TMEM165: variants seen among roughly 807,000 people sequenced by gnomAD.
The protein encoded by TMEM165 is putative divalent cation/proton antiporter TMEM165.
Under a neutral mutation model 30.0 loss-of-function variants are expected in TMEM165, and 19 were observed. The ratio of observed to expected loss-of-function variants is 0.63; its 90% CI spans 0.44 to 0.93. The LOEUF is 0.93. Among genes scored for constraint, TMEM165 ranks in the 40% least tolerant of loss-of-function variants. TMEM165 has a pLI of 0.00. For missense variants in TMEM165, 340 were observed against 417.0 expected, an observed-to-expected ratio of 0.82 and a Z score of 1.61; for synonymous variants, 168 against 162.9, an observed-to-expected ratio of 1.03 and a Z score of -0.24.
intron 1 of TMEM165, among the ~76,000 whole-genome samples, chr4:55,402,128 A>AAAAAAAAG (rs1019968951): frequency 2.0e-5 from 3 of 147,892 alleles, no homozygotes; most frequent in African/African-American, 7.8e-5. Flanking sequence ...CCAAAAAAAA[A>AAAAAAAAG]AAAGAAACTA....
In TMEM165 at chr4:55,448,623, T is replaced by C. The variant is rs1288552963; in HGVS notation, c.409-3616T>C. On this transcript the variant is annotated intron_variant, in intron 3 of 3. Transcript: ENST00000608091. ...GCGCGTGTGTGTGTGTGTGTGTGTG[T>C]GTGTGTGTGTGTGTGTGTGTGCTCC... Among the ~76,000 whole-genome samples the C allele has an allele frequency of 5.9e-5, 9 of 151,658 alleles. 1 individual carries two copies. Among genetic ancestry groups the C allele is most frequent in the African/African-American group, 1.2e-4 (5 of 41,282 alleles).
Position 55,449,294 on chromosome 4 carries a change from T to G in TMEM165, c.409-2945T>G. 2.8e-6 allele frequency: 3 copies of G among 1,088,988 alleles called. No homozygotes were observed. In the South Asian group the frequency reaches 3.8e-5, roughly 14 times the overall value. The allele number at this position is 1,088,988 out of a possible 1,614,324, so 67.5% of individuals were successfully genotyped here. ...TCACATATCAGTAACTATTTTGATC[T>G]TTACAAAGAGGGGTGACAAATAGAT... On this transcript the variant is annotated intron_variant, in intron 3 of 3. Transcript: ENST00000608091.
intron 2 of TMEM165, chr4:55,412,059 T>C: frequency 1.7e-6 from 1 of 598,622 alleles, no homozygotes; most frequent in South Asian, 2.0e-5. Context: ...ATCTTCAATT[T>C]AAGGAATTGC....
exon 4 of TMEM165, chr4:55,453,173 G>A (rs199827140): frequency 5.7e-4 from 827 of 1,453,624 alleles, no homozygotes; most frequent in Non-Finnish European, 7.0e-4. Context: ...CTGGTCATTC[G>A]TTTAAAATAC....
chr4:55,446,169 T>C (rs537412770), intron 3 of TMEM165, among the ~76,000 whole-genome samples: 117 of 150,408 alleles, frequency 7.8e-4, no homozygotes, highest in African/African-American at 2.8e-3. Context: ...TCACAGCTTA[T>C]TGCAGCCTCA....
At chr4:55,435,927 G>A (rs1424372857) in intron 3 of TMEM165, among the ~76,000 whole-genome samples, 1 of 152,166 alleles carries the variant, frequency 6.6e-6, no homozygotes, top group Non-Finnish European at 1.5e-5. Context: ...TTTGAGCATA[G>A]TTATGACTAT....
chr4:55,419,495 A>G (rs950446117), intron 4 of TMEM165, among the ~76,000 whole-genome samples: 4 of 152,284 alleles, frequency 2.6e-5, no homozygotes, highest in South Asian at 4.1e-4. Context: ...CAGTTGTTCA[A>G]TGCCACTTAT....
At chr4:55,439,629 C>T (rs545899383) in intron 3 of TMEM165, among the ~76,000 whole-genome samples, 31 of 152,168 alleles carry the variant, frequency 2.0e-4, no homozygotes, top group South Asian at 8.3e-4. Flanking sequence ...CATTGACAGA[C>T]GGAATGAATA....
intron 1 of TMEM165, among the ~76,000 whole-genome samples, chr4:55,410,003 A>G (rs1319089922): frequency 6.6e-6 from 1 of 152,170 alleles, no homozygotes; most frequent in South Asian, 2.1e-4. Context: ...CAAGTCAGCA[A>G]ACTTCTTGTA....
At chr4:55,400,504 C>A (rs981097672) in intron 1 of TMEM165, among the ~76,000 whole-genome samples, 2 of 146,658 alleles carry the variant, frequency 1.4e-5, no homozygotes, top group Non-Finnish European at 1.5e-5. Context: ...GTGGCGTGAT[C>A]TTGGCTCACT....
chr4:55,415,225 G>A (rs529364061), intron 2 of TMEM165: 1 of 152,154 alleles, frequency 6.6e-6, no homozygotes, highest in East Asian at 1.9e-4. Flanking sequence ...TTTCCCATTT[G>A]TTTGTCTTTT....
chr4:55,421,513 G>T (rs1334654164), intron 4 of TMEM165, among the ~76,000 whole-genome samples: 16 of 151,878 alleles, frequency 1.1e-4, no homozygotes, highest in Admixed American at 1.0e-3. Flanking sequence ...GCAGAGGCTG[G>T]TCTCGAACTC....
chr4:55,409,052 C>T (rs1253843680), intron 1 of TMEM165, among the ~76,000 whole-genome samples: 1 of 151,510 alleles, frequency 6.6e-6, no homozygotes, highest in Non-Finnish European at 1.5e-5. Flanking sequence ...GCAGGAAGCT[C>T]GTTTTTAAAG....
At chr4:55,403,505 T>TTC in intron 1 of TMEM165, among the ~76,000 whole-genome samples, 1 of 148,558 alleles carries the variant, frequency 6.7e-6, no homozygotes, top group Admixed American at 6.7e-5. Context: ...TTTCTTTTTT[T>TTC]TTTTTTTACA....
At chr4:55,414,212 G>A (rs1160978929) in intron 2 of TMEM165, among the ~76,000 whole-genome samples, 4 of 151,730 alleles carry the variant, frequency 2.6e-5, no homozygotes, top group Non-Finnish European at 5.9e-5. Context: ...AGAGCTTGTA[G>A]TGAGCCGAGA....
chr4:55,425,943 A>C lies in TMEM165; in HGVS notation c.*491A>C, dbSNP rs1026572418. Reference sequence around the variant, plus strand: ...AAACTAGGTGTTTAAAAAAAGAGACATATATGATATTGCTGTTATATCAAT... The same window carrying C: ...AAACTAGGTGTTTAAAAAAAGAGACCTATATGATATTGCTGTTATATCAAT... On this transcript the variant is annotated 3_prime_UTR_variant, in exon 6 of 6. Transcript: ENST00000381334. 2.0e-5 allele frequency: 3 copies of C among 152,360 alleles called. No individual in the cohort carries two copies. Among genetic ancestry groups the C allele is most frequent in the African/African-American group, 7.2e-5 (3 of 41,460 alleles). 9.4% of individuals were successfully genotyped at this position (152,360 alleles called of 1,614,324 possible).
At position 55,400,183 on chromosome 4, in the gene TMEM165, AAAT is replaced by A. The variant is rs544597211; in HGVS notation, c.207+3792_207+3794del. On this transcript the variant is annotated intron_variant, in intron 1 of 5. Coordinates refer to ENST00000381334, the MANE Select transcript of TMEM165 (RefSeq NM_018475.5). The stretch of plus-strand genomic sequence containing the variant: ...ATTTTATATATATAATATATATAAA[AAAT>A]AATATATAAATATATAATTTATATT... Among the ~76,000 whole-genome samples the A allele has an allele frequency of 5.9e-3, 713 of 119,958 alleles. 14 individuals carry two copies. The highest frequency in any genetic ancestry group is 0.022 in the African/African-American group (666 of 29,990). 78.7% of individuals were successfully genotyped at this position (119,958 alleles called of 152,430 possible).
rs1720702309 is a variant in TMEM165 at position 55,395,995 on chromosome 4, A to G, written c.-195A>G. 2.5e-5 allele frequency: 10 copies of G among 401,990 alleles called. No homozygotes were observed. In the East Asian group the frequency reaches 3.7e-4, roughly 15 times the overall value. 24.9% of individuals were successfully genotyped at this position (401,990 alleles called of 1,614,324 possible). The stretch of plus-strand genomic sequence containing the variant: ...CCGCCGCCGGAGAGGACGGGCGCCG[A>G]GCCGGGGCTGCGGACTTCGGCCTGC... On this transcript the variant is annotated 5_prime_UTR_variant, in exon 1 of 6. Transcript: ENST00000381334.
intron 3 of TMEM165, among the ~76,000 whole-genome samples, chr4:55,451,033 T>G (rs1724396233): frequency 6.6e-6 from 1 of 151,254 alleles, no homozygotes. Flanking sequence ...GTTATTTCTC[T>G]CAACTTAAAA....
Sources: allele counts gnomAD v4.1 joint callset (sites outside exome capture counted in the v4.1 genomes callset), GRCh38; gene constraint gnomAD v4.1.1; transcripts MANE v1.5; gene names NCBI Gene and HGNC (gene_info 2026-07-23, HGNC 2026-07-21).